The following KIF4A variants were observed in gnomAD, a reference collection of about 807,000 sequenced individuals.
KIF4A encodes the protein chromosome-associated kinesin KIF4A.
A neutral mutation model predicts 105.9 loss-of-function variants in KIF4A; 7 were observed. That is an observed-to-expected ratio of 0.07 (90% CI 0.04 to 0.12). KIF4A has a LOEUF of 0.12. KIF4A is among the 10% of genes least tolerant of loss of function. KIF4A has a pLI of 1.00. For missense variants in KIF4A, 558 were observed against 929.2 expected, an observed-to-expected ratio of 0.60 and a Z score of 5.19; for synonymous variants, 281 against 331.3, an observed-to-expected ratio of 0.85 and a Z score of 1.65.
chrX:70,318,338 A>G (rs1393797628), intron 7 of KIF4A, among the ~76,000 whole-genome samples: 1 of 112,428 alleles, frequency 8.9e-6, no homozygotes, highest in Non-Finnish European at 1.9e-5. Flanking sequence ...AGATTCATCT[A>G]CTACATTACA....
intron 13 of KIF4A, among the ~76,000 whole-genome samples, chrX:70,346,714 A>G (rs1409648353): frequency 1.8e-5 from 2 of 111,376 alleles, no homozygotes; most frequent in African/African-American, 6.5e-5. Context: ...ACAGTTAGGC[A>G]GAGTAAGCCC....
intron 15 of KIF4A, among the ~76,000 whole-genome samples, chrX:70,366,713 G>C (rs2086105335): frequency 8.9e-6 from 1 of 111,887 alleles, no homozygotes; most frequent in Non-Finnish European, 1.9e-5. Flanking sequence ...GTGCTGAAAA[G>C]AATGTATATT....
At position 70,403,481 on chromosome X, in the gene KIF4A, C is replaced by T. The variant is rs1391547152; in HGVS notation, c.2620-383C>T. The stretch of plus-strand genomic sequence containing the variant: ...CATTCTGAAATGGGACATAATTGGC[C>T]ATAAGGGTGTGTCCTGTGGATTTTG... On this transcript the variant is annotated intron_variant, in intron 23 of 30. Transcript: ENST00000374403. 2.7e-5 allele frequency among the ~76,000 whole-genome samples: 3 copies of T among 112,500 alleles called. No individual in the cohort carries two copies. In the East Asian group the frequency reaches 8.3e-4, roughly 31 times the overall value.
At chrX:70,330,747 C>A (rs1433057760) in intron 9 of KIF4A, among the ~76,000 whole-genome samples, 1 of 111,808 alleles carries the variant, frequency 8.9e-6, no homozygotes, top group Non-Finnish European at 1.9e-5. Context: ...GTGGGCATGA[C>A]TAGAAGAAGG....
Position 70,308,739 on chromosome X carries a change from A to G in KIF4A, c.778+6341A>G, listed in dbSNP as rs188027928. Reference sequence around the variant, plus strand: ...ATTCTCCTGCCTCAGCCTCCTAAGTAGGTGGGACTACAGGCACATGCTGCC... The same window carrying G: ...ATTCTCCTGCCTCAGCCTCCTAAGTGGGTGGGACTACAGGCACATGCTGCC... On this transcript the variant is annotated intron_variant, in intron 7 of 30. Coordinates refer to ENST00000374403, the MANE Select transcript of KIF4A (RefSeq NM_012310.5). Among the ~76,000 whole-genome samples the G allele has an allele frequency of 2.0e-4, 22 of 111,738 alleles. No individual in the cohort carries two copies. In the Admixed American group the frequency reaches 2.1e-3, roughly 11 times the overall value.
intron 8 of KIF4A, 150 bp from the exon 9 acceptor site, chrX:70,330,007 A>G: frequency 2.3e-6 from 1 of 437,365 alleles, no homozygotes; most frequent in Non-Finnish European, 3.9e-6. Context: ...TTAGATATGT[A>G]TACATTTCCT....
At chrX:70,411,811 T>A (rs1178154946) in intron 28 of KIF4A, among the ~76,000 whole-genome samples, 1 of 109,453 alleles carries the variant, frequency 9.1e-6, no homozygotes, top group Non-Finnish European at 1.9e-5. Flanking sequence ...CCCAGCACTT[T>A]GAGAGGCCGA....
At chrX:70,304,649 CT>C (rs138222376) in intron 7 of KIF4A, among the ~76,000 whole-genome samples, 6,079 of 51,111 alleles carry the variant, frequency 0.12, 216 homozygotes, top group African/African-American at 0.26. Flanking sequence ...TACTTCATTC[CT>C]TTTTTTTTTT....
intron 11 of KIF4A, 85 bp downstream of exon 11, chrX:70,342,016 G>A: frequency 9.2e-7 from 1 of 1,091,491 alleles, no homozygotes; most frequent in Non-Finnish European, 1.2e-6. Flanking sequence ...CTCATTATGA[G>A]AGACAGGTTA....
intron 15 of KIF4A, among the ~76,000 whole-genome samples, chrX:70,371,887 C>G (rs1329366075): frequency 9.8e-6 from 1 of 101,667 alleles, no homozygotes; most frequent in African/African-American, 3.7e-5. Flanking sequence ...ACTTCTCAGA[C>G]GGGGCGGTTG....
rs2085805944 is a variant in KIF4A, at chrX:70,301,880, T to A, written c.517-20T>A. 8.3e-7 allele frequency: 1 copy of A among 1,199,983 alleles called. No homozygotes were observed. The highest frequency in any genetic ancestry group is 1.8e-5 in the African/African-American group (1 of 56,797). Reference sequence around the variant, plus strand: ...TTTGAAGTATAAATCATAAGGGAATTTTCTCTTTCTTGCAATTAGATTGTG... The same window carrying A: ...TTTGAAGTATAAATCATAAGGGAATATTCTCTTTCTTGCAATTAGATTGTG... On this transcript the variant is annotated intron_variant, in intron 5 of 30. Coordinates refer to ENST00000374403, the MANE Select transcript of KIF4A (RefSeq NM_012310.5).
rs146083437 is a variant in KIF4A, at chrX:70,353,729, G to T, written c.1596G>T (p.Ala532=). The change falls in exon 15 of 31, where the codon GCG becomes GCT. Residue 532 remains alanine, a synonymous_variant. Transcript: ENST00000374403. ...MSKELVELNK[A]LALKEALARK... ...AGGAGCTGGTTGAGTTGAATAAAGC[G>T]CTTGCACTGAAAGAGGCCCTGGCTA... is the stretch of plus-strand genomic sequence containing the variant. The T allele has an allele frequency of 1.7e-6, 2 of 1,207,907 alleles. No homozygotes were observed. Among genetic ancestry groups the T allele is most frequent in the East Asian group, 5.9e-5 (2 of 33,812 alleles).
intron 18 of KIF4A, among the ~76,000 whole-genome samples, chrX:70,385,842 G>A (rs1316166291): frequency 8.9e-6 from 1 of 112,145 alleles, no homozygotes; most frequent in Non-Finnish European, 1.9e-5. Context: ...TGGGAAGAAA[G>A]AGCACATTCA....
chrX:70,336,133 T>A (rs2085949499), intron 10 of KIF4A, among the ~76,000 whole-genome samples: 1 of 112,067 alleles, frequency 8.9e-6, no homozygotes, highest in African/African-American at 3.2e-5. Flanking sequence ...GTAGCTTTGC[T>A]TTGTTCAGTA....
intron 20 of KIF4A, among the ~76,000 whole-genome samples, chrX:70,388,145 T>C (rs1018102661): frequency 8.9e-6 from 1 of 111,941 alleles, no homozygotes; most frequent in Non-Finnish European, 1.9e-5. Flanking sequence ...TCTGGAATCA[T>C]ACATTATGTA....
intron 22 of KIF4A, 121 bp downstream of exon 22, chrX:70,396,170 T>C (rs1437470365): frequency 8.2e-6 from 4 of 489,228 alleles, no homozygotes; most frequent in African/African-American, 2.4e-5. Flanking sequence ...ATAACAATTT[T>C]TTTTAAACCA....
rs2086169907 is a variant in KIF4A, at chrX:70,375,173, T to C, written c.1779-31T>C. 3.3e-6 allele frequency: 4 copies of C among 1,202,776 alleles called. 1 individual carries two copies. The Admixed American group carries it at 8.9e-5, about 27-fold the overall frequency. On this transcript the variant is annotated intron_variant, in intron 16 of 30. Transcript: ENST00000374403. ...TTTTGAAGTCAGGCTTTGCTGCTGG[T>C]AGTCCTCACTTCTACAGCATCTGTG... is the stretch of plus-strand genomic sequence containing the variant.
At chrX:70,369,132 C>A (rs1295160378) in intron 15 of KIF4A, among the ~76,000 whole-genome samples, 1 of 112,287 alleles carries the variant, frequency 8.9e-6, no homozygotes, top group African/African-American at 3.2e-5. Flanking sequence ...ACCCGATTTT[C>A]CAGGTGCCGT....
chrX:70,345,477 A>AG (rs1224366847), intron 13 of KIF4A, among the ~76,000 whole-genome samples: 4 of 108,886 alleles, frequency 3.7e-5, no homozygotes, highest in Non-Finnish European at 7.6e-5. Flanking sequence ...AAAAAAAAAA[A>AG]AAGAAGAAGA....
Sources: allele counts gnomAD v4.1 joint callset (sites outside exome capture counted in the v4.1 genomes callset), GRCh38; gene constraint gnomAD v4.1.1; transcripts MANE v1.5; gene names NCBI Gene and HGNC (gene_info 2026-07-23, HGNC 2026-07-21).